PTPRT: variants seen among roughly 807,000 people sequenced by gnomAD.
PTPRT encodes receptor-type tyrosine-protein phosphatase T.
A neutral mutation model predicts 176.8 loss-of-function variants in PTPRT; 56 were observed. The ratio of observed to expected loss-of-function variants is 0.32; its 90% CI spans 0.26 to 0.40. The LOEUF is 0.40. Ranked by LOEUF, PTPRT falls within the 10% of genes least tolerant of loss-of-function variation. The probability of loss-of-function intolerance (pLI) is 1.00; values close to 1 mark genes in which losing one functional copy is unlikely to be tolerated. For synonymous variants in PTPRT, 783 were observed against 739.0 expected (o/e 1.06, Z -0.96); for missense variants, 1,540 against 1,908.2 (o/e 0.81, Z 3.60).
intron 9 of PTPRT, among the ~76,000 whole-genome samples, chr20:42,396,873 T>C (rs745575681): frequency 6.6e-6 from 1 of 152,194 alleles, no homozygotes; most frequent in Non-Finnish European, 1.5e-5. Context: ...GCACTTTCTG[T>C]TCTCACTGCC....
At chr20:42,129,116 G>C (rs1189457765) in intron 18 of PTPRT, among the ~76,000 whole-genome samples, 6 of 152,048 alleles carry the variant, frequency 3.9e-5, no homozygotes, top group Non-Finnish European at 4.4e-5. Flanking sequence ...ATTAAAATGG[G>C]GATGGAAATA....
At chr20:42,426,475 G>C (rs1299570828) in intron 9 of PTPRT, among the ~76,000 whole-genome samples, 1 of 152,076 alleles carries the variant, frequency 6.6e-6, no homozygotes, top group Non-Finnish European at 1.5e-5. Flanking sequence ...CATACAATAA[G>C]ACCCCCACAT....
Position 42,966,059 on chromosome 20 carries a change from C to T in PTPRT, c.89-80127G>A, listed in dbSNP as rs575670870. ...CCAGATAGGTCATTCTAGTTCCACACGGTAAGAACCATGATGGAATAGCCA... is the reference window on the plus strand; with the variant it reads ...CCAGATAGGTCATTCTAGTTCCACATGGTAAGAACCATGATGGAATAGCCA... On this transcript the variant is annotated intron_variant, in intron 1 of 30. Coordinates refer to ENST00000373187, the MANE Select transcript of PTPRT (RefSeq NM_007050.6). Among the ~76,000 whole-genome samples the T allele has an allele frequency of 5.5e-4, 84 of 152,182 alleles. 1 individual carries two copies. The highest frequency in any genetic ancestry group is 1.8e-3 in the African/African-American group (73 of 41,526).
At position 42,567,302 on chromosome 20, in the gene PTPRT, AGAGAG is replaced by A. The variant is rs1276952777; in HGVS notation, c.1154-94745_1154-94741del. The stretch of plus-strand genomic sequence containing the variant: ...ACAAAAAAAAATAAAAGAGAGAGAG[AGAGAG>A]AGAAAAAAAACGATTTTTAAAATAG... On this transcript the variant is annotated intron_variant, in intron 7 of 30. Coordinates refer to ENST00000373187, the MANE Select transcript of PTPRT (RefSeq NM_007050.6). Among the ~76,000 whole-genome samples, 544 of 150,900 alleles carry A rather than the reference AGAGAG, an allele frequency of 3.6e-3. 3 individuals carry two copies. Among genetic ancestry groups the A allele is most frequent in the African/African-American group, 0.013 (525 of 40,490 alleles).
chr20:43,182,009 G>C (rs2015271067), intron 1 of PTPRT, among the ~76,000 whole-genome samples: 1 of 152,150 alleles, frequency 6.6e-6, no homozygotes, highest in African/African-American at 2.4e-5. Flanking sequence ...GATCACCCAA[G>C]GCCACTAGTA....
chr20:43,068,485 A>G (rs1193021623), intron 1 of PTPRT, among the ~76,000 whole-genome samples: 1 of 147,876 alleles, frequency 6.8e-6, no homozygotes, highest in Non-Finnish European at 1.5e-5. Flanking sequence ...AGCCTGGGCA[A>G]CAGAGAGAGA....
At chr20:43,154,701 G>C (rs561451413) in intron 1 of PTPRT, among the ~76,000 whole-genome samples, 14 of 152,170 alleles carry the variant, frequency 9.2e-5, no homozygotes, top group South Asian at 4.2e-4. Context: ...AAAAGCAAAT[G>C]GAATTGCATC....
intron 16 of PTPRT, among the ~76,000 whole-genome samples, chr20:42,184,755 G>C (rs1035187528): frequency 1.3e-5 from 2 of 149,720 alleles, no homozygotes; most frequent in African/African-American, 4.9e-5. Flanking sequence ...AGCCTCCTGA[G>C]TAGGTGGGAT....
intron 7 of PTPRT, among the ~76,000 whole-genome samples, chr20:42,657,886 T>C (rs1188961066): frequency 6.6e-6 from 1 of 152,044 alleles, no homozygotes; most frequent in African/African-American, 2.4e-5. Flanking sequence ...ATGAATTAAA[T>C]GCAATCATGT....
chr20:42,516,573 T>C (rs1200121466), intron 7 of PTPRT, among the ~76,000 whole-genome samples: 2 of 152,184 alleles, frequency 1.3e-5, no homozygotes, highest in African/African-American at 4.8e-5. Flanking sequence ...AGTTTACATT[T>C]GGGGGATATG....
intron 9 of PTPRT, among the ~76,000 whole-genome samples, chr20:42,418,648 G>A (rs1255103195): frequency 6.6e-6 from 1 of 152,128 alleles, no homozygotes; most frequent in Non-Finnish European, 1.5e-5. Flanking sequence ...ACAGAGAGAC[G>A]CAAATTACCT....
At chr20:42,562,585 A>G (rs2072970320) in intron 7 of PTPRT, among the ~76,000 whole-genome samples, 1 of 152,362 alleles carries the variant, frequency 6.6e-6, no homozygotes, top group South Asian at 2.1e-4. Flanking sequence ...GAATGTTTAT[A>G]GAAATATGCA....
intron 7 of PTPRT, among the ~76,000 whole-genome samples, chr20:42,546,871 T>C (rs1167862692): frequency 2.6e-5 from 4 of 152,172 alleles, no homozygotes; most frequent in African/African-American, 7.2e-5. Flanking sequence ...AAGGCAACGT[T>C]TGTGCATCCC....
intron 12 of PTPRT, among the ~76,000 whole-genome samples, chr20:42,298,067 A>T (rs1206536951): frequency 6.6e-6 from 1 of 152,214 alleles, no homozygotes; most frequent in Non-Finnish European, 1.5e-5. Flanking sequence ...AGCAAAGTCA[A>T]CAGATAAATC....
At chr20:43,035,677 T>C (rs1268045089) in intron 1 of PTPRT, among the ~76,000 whole-genome samples, 1 of 152,232 alleles carries the variant, frequency 6.6e-6, no homozygotes, top group Non-Finnish European at 1.5e-5. Context: ...AGACCTGATA[T>C]GTCCTAAGGT....
chr20:42,294,700 G>A (rs1467660219), intron 12 of PTPRT, among the ~76,000 whole-genome samples: 1 of 151,048 alleles, frequency 6.6e-6, no homozygotes, highest in African/African-American at 2.4e-5. Context: ...AAACAGTCTA[G>A]AAGTAATATT....
intron 19 of PTPRT, among the ~76,000 whole-genome samples, chr20:42,125,626 C>A (rs1030230391): frequency 1.3e-5 from 2 of 152,194 alleles, no homozygotes; most frequent in African/African-American, 4.8e-5. Flanking sequence ...GGTTTCCTGT[C>A]TTTAAAGGCT....
At chr20:42,681,174 T>C (rs1353341318) in intron 6 of PTPRT, among the ~76,000 whole-genome samples, 1 of 152,202 alleles carries the variant, frequency 6.6e-6, no homozygotes, top group Non-Finnish European at 1.5e-5. Context: ...AAACCCTATC[T>C]ATTTATAGCA....
At chr20:42,041,898 A>G in the PTPRT span, among the ~76,000 whole-genome samples, 1 of 152,140 alleles carries the variant, frequency 6.6e-6, no homozygotes, top group Admixed American at 6.5e-5. Flanking sequence ...CTTTGATTCT[A>G]GCTCCTTCCT....
Sources: gnomAD v4.1 joint callset for allele counts (sites outside exome capture counted in the v4.1 genomes callset) on GRCh38, gnomAD v4.1.1 for gene constraint, MANE v1.5 for transcripts, NCBI Gene and HGNC (gene_info 2026-07-23, HGNC 2026-07-21) for gene names.